Variants in ACTN1 observed in about 807,000 individuals in gnomAD.
The protein encoded by ACTN1 is alpha-actinin-1.
Under a neutral mutation model 119.6 loss-of-function variants are expected in ACTN1, and 30 were observed. That is an observed-to-expected ratio of 0.25 (90% confidence interval 0.19 to 0.34). ACTN1 has a LOEUF of 0.34. Among genes scored for constraint, ACTN1 ranks in the 10% least tolerant of loss-of-function variants. The pLI is 1.00. For synonymous variants in ACTN1, 429 were observed against 472.6 expected, an observed-to-expected ratio of 0.91 and a Z score of 1.20; for missense variants, 764 against 1,223.4, an observed-to-expected ratio of 0.62 and a Z score of 5.60.
intron 1 of ACTN1, among the ~76,000 whole-genome samples, chr14:68,955,059 A>G (rs1179688396): frequency 6.6e-6 from 1 of 152,084 alleles, no homozygotes; most frequent in Non-Finnish European, 1.5e-5. Context: ...GCCACACTCA[A>G]TTCTGCTCCC....
At chr14:68,934,955 A>C (rs2035416221) in intron 1 of ACTN1, among the ~76,000 whole-genome samples, 1 of 152,236 alleles carries the variant, frequency 6.6e-6, no homozygotes. Context: ...CTTGCACTCC[A>C]GTAACTGAAC....
At chr14:68,938,852 T>C (rs945993989) in intron 1 of ACTN1, among the ~76,000 whole-genome samples, 3 of 152,234 alleles carry the variant, frequency 2.0e-5, no homozygotes, top group Non-Finnish European at 4.4e-5. Flanking sequence ...TGTTGTTTTT[T>C]TTCCCCACTG....
intron 1 of ACTN1, among the ~76,000 whole-genome samples, chr14:68,933,426 A>G (rs1335723613): frequency 6.6e-6 from 1 of 151,858 alleles, no homozygotes; most frequent in Non-Finnish European, 1.5e-5. Context: ...ATGAGCCACC[A>G]CGCCCGGCCA....
intron 1 of ACTN1, among the ~76,000 whole-genome samples, chr14:68,955,053 C>T (rs1173010562): frequency 6.6e-6 from 1 of 152,212 alleles, no homozygotes; most frequent in Non-Finnish European, 1.5e-5. Flanking sequence ...CTCCATGCCA[C>T]ACTCAATTCT....
intron 9 of ACTN1, 29 bp from the exon 10 acceptor site, chr14:68,892,312 G>A: frequency 6.3e-7 from 1 of 1,594,030 alleles, no homozygotes; most frequent in Non-Finnish European, 8.6e-7. Flanking sequence ...GGGGGCAGGA[G>A]GTGAGGAGGC....
intron 8 of ACTN1, among the ~76,000 whole-genome samples, chr14:68,898,712 T>A (rs1228822101): frequency 1.3e-5 from 2 of 151,992 alleles, no homozygotes; most frequent in Non-Finnish European, 2.9e-5. Flanking sequence ...GTCAGACCCC[T>A]GACCAGGACA....
rs534480376 is a variant in ACTN1 at position 68,971,242 on chromosome 14, C to T, written c.105+7710G>A. Among the ~76,000 whole-genome samples the T allele has an allele frequency of 4.6e-5, 7 of 152,324 alleles. No individual in the cohort carries two copies. The East Asian group carries it at 1.4e-3, about 29-fold the overall frequency. ...GTCCCTTCCCCAAAGAGTTGTTTGA[C>T]ATGTGGAGGTACTCCAAACCATTCA... On this transcript the variant is annotated intron_variant, in intron 1 of 21. Transcript: ENST00000394419.
At chr14:68,896,885 C>G (rs1185234903) in intron 8 of ACTN1, among the ~76,000 whole-genome samples, 1 of 152,218 alleles carries the variant, frequency 6.6e-6, no homozygotes, top group Non-Finnish European at 1.5e-5. Flanking sequence ...AAAATATTCT[C>G]TGGAAATGAG....
chr14:68,881,534 A>T (rs958757739), intron 16 of ACTN1, among the ~76,000 whole-genome samples: 6 of 152,152 alleles, frequency 3.9e-5, no homozygotes, highest in Non-Finnish European at 8.8e-5. Context: ...TTGTTTGTGA[A>T]AGCACTTTCT....
chr14:68,888,107 G>A (rs2032174939), intron 11 of ACTN1: 2 of 642,954 alleles, frequency 3.1e-6, no homozygotes, highest in South Asian at 3.1e-5. Flanking sequence ...GAGGGCGCGT[G>A]CCAGGTGTCT....
chr14:68,929,814 C>T (rs2099962607), intron 1 of ACTN1, among the ~76,000 whole-genome samples: 2 of 152,220 alleles, frequency 1.3e-5, no homozygotes, highest in South Asian at 2.1e-4. Context: ...CTCAGCCTCT[C>T]AATGACCTCG....
intron 9 of ACTN1, among the ~76,000 whole-genome samples, chr14:68,893,024 A>C (rs2032615108): frequency 6.6e-6 from 1 of 152,164 alleles, no homozygotes. Flanking sequence ...CCTGGCTGGA[A>C]TGGCAGAAAT....
intron 14 of ACTN1, chr14:68,883,471 A>G (rs554603960): frequency 5.9e-6 from 1 of 168,928 alleles, no homozygotes; most frequent in Non-Finnish European, 1.3e-5. Flanking sequence ...TAAATGTTAC[A>G]TTAAAAATCA....
At chr14:68,939,623 C>T (rs2035696286) in intron 1 of ACTN1, among the ~76,000 whole-genome samples, 1 of 152,072 alleles carries the variant, frequency 6.6e-6, no homozygotes, top group Non-Finnish European at 1.5e-5. Flanking sequence ...TTTCTTAGGG[C>T]TGGGAACGGA....
chr14:68,918,308 G>A (rs985915711), intron 3 of ACTN1, among the ~76,000 whole-genome samples: 14 of 152,216 alleles, frequency 9.2e-5, no homozygotes, highest in African/African-American at 2.9e-4. Context: ...CTGGCCGGGC[G>A]CGGTGGCTCA....
intron 1 of ACTN1, among the ~76,000 whole-genome samples, chr14:68,935,547 G>A (rs531558149): frequency 2.6e-5 from 4 of 151,944 alleles, no homozygotes; most frequent in East Asian, 1.9e-4. Context: ...CACCACGCCC[G>A]GCTAAGTTTT....
At position 68,893,766 on chromosome 14, in the gene ACTN1, G is replaced by A; in HGVS notation, c.763-19C>T. 1 of 1,612,604 alleles carries A rather than the reference G, an allele frequency of 6.2e-7. No individual in the cohort carries two copies. Among genetic ancestry groups the A allele is most frequent in the South Asian group, 1.1e-5 (1 of 91,064 alleles). On this transcript the variant is annotated intron_variant, in intron 8 of 21. Coordinates refer to ENST00000394419, the MANE Select transcript of ACTN1 (RefSeq NM_001130004.2). ...TCTCCGCCTGGCAACAAGACAGAGA[G>A]AGTCACGACCAGCCAGCCCCAGCAG... is the stretch of plus-strand genomic sequence containing the variant.
At chr14:68,960,756 A>G (rs1401124496) in intron 1 of ACTN1, among the ~76,000 whole-genome samples, 1 of 151,982 alleles carries the variant, frequency 6.6e-6, no homozygotes, top group African/African-American at 2.4e-5. Context: ...ATTAAAAAAA[A>G]AAAAAAAAAT....
At chr14:68,931,473 T>C (rs1186883491) in intron 1 of ACTN1, among the ~76,000 whole-genome samples, 1 of 152,180 alleles carries the variant, frequency 6.6e-6, no homozygotes, top group African/African-American at 2.4e-5. Flanking sequence ...GCTGAGGGAT[T>C]CACTGCAAAT....
Sources: allele counts gnomAD v4.1 joint callset (sites outside exome capture counted in the v4.1 genomes callset), GRCh38; gene constraint gnomAD v4.1.1; transcripts MANE v1.5; gene names NCBI Gene and HGNC (gene_info 2026-07-23, HGNC 2026-07-21).